LMAN2L: variants seen among roughly 807,000 people sequenced by gnomAD.
LMAN2L encodes lectin, mannose binding 2 like, also known as VIP36-like protein.
Under a neutral mutation model 44.3 loss-of-function variants are expected in LMAN2L, and 30 were observed. The observed-to-expected ratio is 0.68, with a 90% CI of 0.51 to 0.92. LMAN2L has a LOEUF of 0.92. LMAN2L is among the 40% of genes least tolerant of loss of function. The pLI is 0.00. For synonymous variants in LMAN2L, 183 were observed against 171.1 expected (o/e 1.07, Z -0.54); for missense variants, 429 against 446.1 (o/e 0.96, Z 0.35).
rs765894842 is a variant in LMAN2L at position 96,740,058 on chromosome 2, C to T, written c.-18G>A. 6 of 1,592,872 alleles carry T rather than the reference C, an allele frequency of 3.8e-6. No homozygotes were observed. Among genetic ancestry groups the T allele is most frequent in the Non-Finnish European group, 1.7e-6 (2 of 1,170,110 alleles). On this transcript the variant is annotated 5_prime_UTR_variant, in exon 1 of 8. Coordinates refer to ENST00000264963, the MANE Select transcript of LMAN2L (RefSeq NM_030805.4). ...GCCGCCATCTTTCCCACCAACGACCCTTCATCAAAAGCCCGCCCCGTCGCC... is the reference window on the plus strand; with the variant it reads ...GCCGCCATCTTTCCCACCAACGACCTTTCATCAAAAGCCCGCCCCGTCGCC...
chr2:96,731,789 G>A (rs1242747660), intron 4 of LMAN2L, among the ~76,000 whole-genome samples: 2 of 151,566 alleles, frequency 1.3e-5, no homozygotes, highest in Non-Finnish European at 2.9e-5. Context: ...TTGCTCTGTT[G>A]CCCAGGCTGG....
Position 96,711,865 on chromosome 2 carries a change from G to T in LMAN2L, c.668C>A (p.Thr223Lys), listed in dbSNP as rs375965191. 11 of 1,614,050 alleles carry T rather than the reference G, an allele frequency of 6.8e-6. No homozygotes were observed. The African/African-American group carries it at 1.5e-4, about 22-fold the overall frequency. The part of the protein sequence containing the change: ...LVIRYVKRHL[T>K]IMMDIDGKHE... Reference sequence around the variant, plus strand: ...CTGGTCCAGGACAAGGACTCTCACCGTCAAATGCCTCTTGACGTAGCGAAT... The same window carrying T: ...CTGGTCCAGGACAAGGACTCTCACCTTCAAATGCCTCTTGACGTAGCGAAT... The change falls in exon 5 of 8, where the codon ACG becomes AAG. Residue 223 changes from threonine (T) to lysine (K), a missense_variant and splice_region_variant. Transcript: ENST00000264963.
At chr2:96,724,873 C>T (rs1314078260) in intron 4 of LMAN2L, among the ~76,000 whole-genome samples, 1 of 151,866 alleles carries the variant, frequency 6.6e-6, no homozygotes, top group Non-Finnish European at 1.5e-5. Context: ...GCTCTGTCGC[C>T]CAGGCTGGAG....
intron 3 of LMAN2L, 54 bp downstream of exon 3, chr2:96,734,355 A>G (rs2078468712): frequency 7.6e-6 from 8 of 1,054,938 alleles, no homozygotes; most frequent in African/African-American, 3.1e-5. Flanking sequence ...AAAAGAGGGC[A>G]CATGAAAAAT....
At chr2:96,735,403 T>G (rs980444182) in intron 2 of LMAN2L, among the ~76,000 whole-genome samples, 1 of 152,232 alleles carries the variant, frequency 6.6e-6, no homozygotes, top group Non-Finnish European at 1.5e-5. Context: ...TTTCCAACAG[T>G]GTTCATATTA....
chr2:96,738,349 T>C (rs1488217504), intron 1 of LMAN2L, among the ~76,000 whole-genome samples: 1 of 152,154 alleles, frequency 6.6e-6, no homozygotes, highest in Non-Finnish European at 1.5e-5. Flanking sequence ...AACTTCAGCA[T>C]CGTAAAAGAA....
intron 6 of LMAN2L, among the ~76,000 whole-genome samples, 166 bp downstream of exon 6, chr2:96,711,490 G>C (rs961034136): frequency 2.6e-5 from 4 of 152,198 alleles, no homozygotes; most frequent in African/African-American, 9.7e-5. Flanking sequence ...GCCTGGCGTG[G>C]GTTTTTAAGG....
Position 96,740,023 on chromosome 2 carries a change from T to C in LMAN2L, c.18A>G (p.Gly6=), listed in dbSNP as rs576728406. The change falls in exon 1 of 8, where the codon GGA becomes GGG. Residue 6 remains glycine, a synonymous_variant. Coordinates refer to ENST00000264963, the MANE Select transcript of LMAN2L (RefSeq NM_030805.4). The part of the protein sequence containing the change: MAATL[G]PLGSWQQWRR... The stretch of plus-strand genomic sequence containing the variant: ...GCCACTGCTGCCACGACCCAAGGGG[T>C]CCCAGAGTCGCCGCCATCTTTCCCA... 3.1e-6 allele frequency: 5 copies of C among 1,607,954 alleles called. No homozygotes were observed. The highest frequency in any genetic ancestry group is 4.2e-6 in the Non-Finnish European group (5 of 1,176,986).
chr2:96,719,657 G>A lies in LMAN2L; in HGVS notation c.508-7632C>T, dbSNP rs181865527. The stretch of plus-strand genomic sequence containing the variant: ...GTTGCCCATGCTGGAGTGCAGTGGC[G>A]TAATCTCGGCTCACTGCAACCTCCG... On this transcript the variant is annotated intron_variant, in intron 4 of 7. Transcript: ENST00000264963. Among the ~76,000 whole-genome samples the A allele has an allele frequency of 1.6e-4, 25 of 152,060 alleles. No homozygotes were observed. The East Asian group carries it at 2.9e-3, about 18-fold the overall frequency.
intron 6 of LMAN2L, among the ~76,000 whole-genome samples, chr2:96,710,997 A>G (rs999938287): frequency 1.3e-5 from 2 of 152,226 alleles, no homozygotes; most frequent in Non-Finnish European, 2.9e-5. Context: ...GGAGATGGAA[A>G]AGTAAAAGAA....
chr2:96,721,753 T>C (rs927702856), intron 4 of LMAN2L, among the ~76,000 whole-genome samples: 1 of 152,110 alleles, frequency 6.6e-6, no homozygotes, highest in African/African-American at 2.4e-5. Context: ...GTGTTGGGAT[T>C]ATAGGCACGA....
chr2:96,707,838 A>G lies in LMAN2L; in HGVS notation c.785-5T>C. The G allele has an allele frequency of 1.2e-6, 2 of 1,613,490 alleles. No homozygotes were observed. Among genetic ancestry groups the G allele is most frequent in the Non-Finnish European group, 1.7e-6 (2 of 1,179,694 alleles). The stretch of plus-strand genomic sequence containing the variant: ...AGGAAATGACATCATGATTATCTGA[A>G]GAAAAATGGAAGAAGGATGACTTGT... On this transcript the variant is annotated splice_region_variant and splice_polypyrimidine_tract_variant and intron_variant, in intron 6 of 7. Coordinates refer to ENST00000264963, the MANE Select transcript of LMAN2L (RefSeq NM_030805.4).
intron 4 of LMAN2L, among the ~76,000 whole-genome samples, chr2:96,727,418 G>C (rs2078294363): frequency 1.3e-5 from 2 of 152,086 alleles, no homozygotes; most frequent in Non-Finnish European, 2.9e-5. Context: ...AAGCACTTGA[G>C]CATAGCAGTT....
At chr2:96,709,265 A>C (rs2077859546) in intron 6 of LMAN2L, among the ~76,000 whole-genome samples, 1 of 152,160 alleles carries the variant, frequency 6.6e-6, no homozygotes, top group Non-Finnish European at 1.5e-5. Flanking sequence ...GTCTTTGTCA[A>C]GTAGGAGCCT....
At chr2:96,712,322 T>C (rs957194659) in intron 4 of LMAN2L, among the ~76,000 whole-genome samples, 1 of 152,180 alleles carries the variant, frequency 6.6e-6, no homozygotes, top group African/African-American at 2.4e-5. Context: ...TGCCCCAAGG[T>C]CACCATTTGG....
chr2:96,711,390 G>T (rs528849854), intron 6 of LMAN2L, among the ~76,000 whole-genome samples: 2 of 152,212 alleles, frequency 1.3e-5, no homozygotes, highest in Admixed American at 1.3e-4. Context: ...AGGAACTCAC[G>T]ATACAGGCTA....
chr2:96,723,287 T>C (rs2078197797), intron 4 of LMAN2L, among the ~76,000 whole-genome samples: 2 of 152,240 alleles, frequency 1.3e-5, no homozygotes, highest in South Asian at 4.1e-4. Context: ...ATGTCCCTGA[T>C]GGCTGATGAT....
chr2:96,734,918 G>C (rs2078482730), intron 2 of LMAN2L, among the ~76,000 whole-genome samples: 1 of 152,176 alleles, frequency 6.6e-6, no homozygotes, highest in African/African-American at 2.4e-5. Flanking sequence ...TCACCCCTCA[G>C]ACAGAAAGAC....
chr2:96,723,637 A>G (rs2078205845), intron 4 of LMAN2L, among the ~76,000 whole-genome samples: 1 of 151,698 alleles, frequency 6.6e-6, no homozygotes. Context: ...TTTTTTTTCT[A>G]AAAGTTTTAT....
Sources: gnomAD v4.1 joint callset for allele counts (sites outside exome capture counted in the v4.1 genomes callset) on GRCh38, gnomAD v4.1.1 for gene constraint, MANE v1.5 for transcripts, NCBI Gene and HGNC (gene_info 2026-07-23, HGNC 2026-07-21) for gene names.